PFAS: variants seen among roughly 807,000 people sequenced by gnomAD.
PFAS encodes the protein FGAM synthase.
Under a neutral mutation model 140.6 loss-of-function variants are expected in PFAS, and 97 were observed. The observed-to-expected ratio is 0.69, with a 90% CI of 0.59 to 0.82. The LOEUF is 0.82. Ranked by LOEUF, PFAS falls within the 40% of genes least tolerant of loss-of-function variation. The pLI, the probability that PFAS is intolerant of heterozygous loss-of-function variation, is 0.00. For missense variants in PFAS, 1,656 were observed against 1,780.2 expected (o/e 0.93, Z 1.26); for synonymous variants, 679 against 718.8 (o/e 0.94, Z 0.88).
chr17:8,257,525 T>C (rs535762332), intron 9 of PFAS, among the ~76,000 whole-genome samples: 13 of 151,842 alleles, frequency 8.6e-5, no homozygotes, highest in South Asian at 2.1e-4. Flanking sequence ...CACTGCACGC[T>C]AGCCTGGGTG....
intron 1 of PFAS, among the ~76,000 whole-genome samples, chr17:8,250,598 C>T (rs531310394): frequency 2.0e-5 from 3 of 152,194 alleles, no homozygotes; most frequent in South Asian, 2.1e-4. Flanking sequence ...GCCAGGGTCC[C>T]GCTGAGAGGC....
Position 8,265,163 on chromosome 17 carries a change from G to C in PFAS, c.2280+38G>C, listed in dbSNP as rs920421835. On this transcript the variant is annotated intron_variant, in intron 18 of 27. Coordinates refer to ENST00000314666, the MANE Select transcript of PFAS (RefSeq NM_012393.3). The stretch of plus-strand genomic sequence containing the variant: ...ACAGCTTCTATCCTGGAGCCCCCGG[G>C]CTTCAGGACCCTTCCACATCCATCT... The C allele has an allele frequency of 1.9e-6, 3 of 1,582,078 alleles. No individual in the cohort carries two copies. In the African/African-American group the frequency reaches 4.0e-5, roughly 21 times the overall value.
Position 8,257,812 on chromosome 17 carries a change from A to C in PFAS, c.1081A>C (p.Asn361His). Residue 361 changes from asparagine (N) to histidine (H), a missense_variant, in exon 10 of 28, where the codon AAT becomes CAT. This residue lies in a region of PFAS where 773 missense variants were observed against 757.3 expected (regional missense o/e 1.02). Coordinates refer to ENST00000314666, the MANE Select transcript of PFAS (RefSeq NM_012393.3). ...CFGNLHIPGYNLPWEDPSFQY... is the reference protein window; with the variant it reads ...CFGNLHIPGYHLPWEDPSFQY... ...TCTCTCTCCTTCCCTCCCAGGTTAC[A>C]ATCTGCCCTGGGAGGATCCAAGCTT... 6.2e-7 allele frequency: 1 copy of C among 1,613,970 alleles called. No homozygotes were observed. The highest frequency in any genetic ancestry group is 1.3e-5 in the African/African-American group (1 of 75,024).
intron 11 of PFAS, among the ~76,000 whole-genome samples, chr17:8,261,955 G>A (rs918184558): frequency 2.6e-5 from 4 of 151,392 alleles, no homozygotes; most frequent in African/African-American, 9.7e-5. Context: ...TCCAGAGGTT[G>A]CAGTGAGCCG....
At position 8,267,334 on chromosome 17, in the gene PFAS, G is replaced by T. The variant is rs913748500; in HGVS notation, c.3176-38G>T. 6 of 1,605,372 alleles carry T rather than the reference G, an allele frequency of 3.7e-6. No individual in the cohort carries two copies. The highest frequency in any genetic ancestry group is 5.1e-6 in the Non-Finnish European group (6 of 1,172,526). ...GTGTCTGGGGAGTTGGGGTGGGGAAGTGACTTTCTGGCCCAAAGACACTTA... is the reference window on the plus strand; with the variant it reads ...GTGTCTGGGGAGTTGGGGTGGGGAATTGACTTTCTGGCCCAAAGACACTTA... On this transcript the variant is annotated intron_variant, in intron 24 of 27. Coordinates refer to ENST00000314666, the MANE Select transcript of PFAS (RefSeq NM_012393.3). The surrounding 1 kb of genome is among the most constrained non-coding windows in gnomAD (Gnocchi z 4.9).
chr17:8,257,428 C>T (rs1404773150), intron 9 of PFAS, among the ~76,000 whole-genome samples: 8 of 152,078 alleles, frequency 5.3e-5, no homozygotes, highest in Non-Finnish European at 7.4e-5. Flanking sequence ...TGGTGGCGGG[C>T]GCCTATAGTC....
chr17:8,247,942 A>C, upstream of PFAS: 41 of 1,528,396 alleles, frequency 2.7e-5, no homozygotes, highest in Non-Finnish European at 3.2e-5. Context: ...GGAAATAGGA[A>C]GAGAAAGAGT....
chr17:8,266,721 C>G lies in PFAS; in HGVS notation c.2822-32C>G. ...GCCCCAACTCCCTTGGCCCTTCTTG[C>G]ATCCCCCTGACTCCCCACATTGCTC... On this transcript the variant is annotated intron_variant, in intron 22 of 27. Coordinates refer to ENST00000314666, the MANE Select transcript of PFAS (RefSeq NM_012393.3). The surrounding 1 kb of genome is among the most constrained non-coding windows in gnomAD (Gnocchi z 5.0). 1 of 1,571,618 alleles carries G rather than the reference C, an allele frequency of 6.4e-7. No homozygotes were observed.
intron 11 of PFAS, among the ~76,000 whole-genome samples, chr17:8,262,713 T>C (rs535711004): frequency 1.1e-3 from 166 of 152,154 alleles, no homozygotes; most frequent in African/African-American, 3.6e-3. Flanking sequence ...GGAATATCGC[T>C]TGAACCCAGG....
chr17:8,253,621 C>T (rs1989243538), intron 1 of PFAS, among the ~76,000 whole-genome samples: 1 of 152,078 alleles, frequency 6.6e-6, no homozygotes, highest in Admixed American at 6.6e-5. Context: ...CTCACTGCAA[C>T]CTCTGCCTCC....
chr17:8,248,024 G>T (rs201280372), upstream of PFAS: 3 of 1,598,154 alleles, frequency 1.9e-6, no homozygotes, highest in Non-Finnish European at 2.6e-6. Flanking sequence ...ACCTGGGCCC[G>T]GCCAGCCGCC....
chr17:8,256,819 C>G lies in PFAS; in HGVS notation c.947-16C>G. On this transcript the variant is annotated splice_polypyrimidine_tract_variant and intron_variant, in intron 8 of 27. Coordinates refer to ENST00000314666, the MANE Select transcript of PFAS (RefSeq NM_012393.3). ...TCTCTGAGGCACCCAGACCTCTCCC[C>G]ACTCTCTCTTTGCAGGAGTATGCCC... The G allele has an allele frequency of 2.5e-6, 4 of 1,585,740 alleles. No individual in the cohort carries two copies. The African/African-American group carries it at 5.4e-5, about 21-fold the overall frequency.
In PFAS at chr17:8,266,983, G is replaced by C. The variant is rs768581724; in HGVS notation, c.2968-45G>C. The C allele has an allele frequency of 1.2e-6, 2 of 1,608,286 alleles. No individual in the cohort carries two copies. The highest frequency in any genetic ancestry group is 2.2e-5 in the East Asian group (1 of 44,792). ...CCATCCCTCTCCCACTGTGGAGGGG[G>C]CCATCCTTTCTCCTAGCCCGTGGGA... On this transcript the variant is annotated intron_variant, in intron 23 of 27. Transcript: ENST00000314666. This position sits in a 1 kb window ranked among gnomAD's most constrained non-coding sequence, Gnocchi z 5.0.
Position 8,266,572 on chromosome 17 carries a change from G to C in PFAS, c.2822-181G>C. On this transcript the variant is annotated intron_variant, in intron 22 of 27. Transcript: ENST00000314666. This position sits in a 1 kb window ranked among gnomAD's most constrained non-coding sequence, Gnocchi z 5.0. ...CCCCTCTGAGACTTCCCATCCCTGAGATGTCCATGATGAAACATCCTCAGT... is the reference window on the plus strand; with the variant it reads ...CCCCTCTGAGACTTCCCATCCCTGACATGTCCATGATGAAACATCCTCAGT... The C allele has an allele frequency of 3.4e-6, 5 of 1,453,718 alleles. No homozygotes were observed. The highest frequency in any genetic ancestry group is 4.5e-6 in the Non-Finnish European group (5 of 1,108,614). 90.1% of individuals were successfully genotyped at this position (1,453,718 alleles called of 1,614,324 possible).
Position 8,268,534 on chromosome 17 carries a change from G to A in PFAS, c.3384G>A (p.Gly1128=). 6.2e-7 allele frequency: 1 copy of A among 1,610,742 alleles called. No homozygotes were observed. The highest frequency in any genetic ancestry group is 8.5e-7 in the Non-Finnish European group (1 of 1,178,846). ...CCTGACTTCCCTATTCCCTGCTAGGGTGGGCAGCTGCTGTGACCTTTCATC... is the reference window on the plus strand; with the variant it reads ...CCTGACTTCCCTATTCCCTGCTAGGATGGGCAGCTGCTGTGACCTTTCATC... ...SYADVLGSAK[G]WAAAVTFHPR... Residue 1128 remains glycine, a splice_region_variant and synonymous_variant, in exon 27 of 28, where the codon GGG becomes GGA. Transcript: ENST00000314666.
At chr17:8,256,089 CT>C (rs1989350636) in intron 6 of PFAS, among the ~76,000 whole-genome samples, 177 bp from the exon 7 acceptor site, 1 of 152,136 alleles carries the variant, frequency 6.6e-6, no homozygotes, top group Non-Finnish European at 1.5e-5. Flanking sequence ...CACTTTGGCT[CT>C]GGATAGTCCA....
At position 8,265,582 on chromosome 17, in the gene PFAS, G is replaced by A. The variant is rs754603304; in HGVS notation, c.2488G>A (p.Val830Ile). 6.3e-5 allele frequency: 102 copies of A among 1,613,970 alleles called. No individual in the cohort carries two copies. Among genetic ancestry groups the A allele is most frequent in the Middle Eastern group, 1.6e-4 (1 of 6,084 alleles). The change falls in exon 20 of 28, where the codon GTC (valine) becomes ATC (isoleucine). Residue 830 changes from valine to isoleucine, a missense_variant. Transcript: ENST00000314666. ...PGSLVISAYAVCPDITATVTP... is the reference protein window; with the variant it reads ...PGSLVISAYAICPDITATVTP... ...GTCACTGGTCATCTCAGCCTATGCCGTCTGCCCAGACATCACAGCCACTGT... is the reference window on the plus strand; with the variant it reads ...GTCACTGGTCATCTCAGCCTATGCCATCTGCCCAGACATCACAGCCACTGT...
In PFAS at chr17:8,263,645, C is replaced by G; in HGVS notation, c.1629+9C>G. The G allele has an allele frequency of 6.2e-7, 1 of 1,613,224 alleles. No homozygotes were observed. The highest frequency in any genetic ancestry group is 8.5e-7 in the Non-Finnish European group (1 of 1,179,142). ...ACACCAGCCGCTTCCAGGTGGGTCTCGTCCCCTGAAGTGTGACATTTTCCC... is the reference window on the plus strand; with the variant it reads ...ACACCAGCCGCTTCCAGGTGGGTCTGGTCCCCTGAAGTGTGACATTTTCCC... On this transcript the variant is annotated intron_variant, in intron 14 of 27. Coordinates refer to ENST00000314666, the MANE Select transcript of PFAS (RefSeq NM_012393.3).
chr17:8,249,312 G>T lies in PFAS; in HGVS notation c.-107G>T, dbSNP rs1251683236. 1 of 152,198 alleles carries T rather than the reference G, an allele frequency of 6.6e-6. No homozygotes were observed. Among genetic ancestry groups the T allele is most frequent in the Non-Finnish European group, 1.5e-5 (1 of 68,038 alleles). The allele number at this position is 152,198 out of a possible 1,614,324, so 9.4% of individuals were successfully genotyped here. On this transcript the variant is annotated 5_prime_UTR_variant, in exon 1 of 28. Coordinates refer to ENST00000314666, the MANE Select transcript of PFAS (RefSeq NM_012393.3). ...ACAAACGCGCGCGACGATTCGAGGT[G>T]CTCTGTGGCCGCGAGTGCATCTTCC...
Sources: gnomAD v4.1 joint callset for allele counts (sites outside exome capture counted in the v4.1 genomes callset) on GRCh38, gnomAD v4.1.1 for gene constraint, gnomAD v4.1.1 regional missense constraint, Gnocchi (gnomAD v3.1) non-coding constraint, MANE v1.5 for transcripts, NCBI Gene and HGNC (gene_info 2026-07-23, HGNC 2026-07-21) for gene names.